Variants in APTX observed in about 807,000 individuals in gnomAD.
The protein encoded by APTX is forkhead-associated domain histidine triad-like protein.
A neutral mutation model predicts 42.3 loss-of-function variants in APTX; 33 were observed. That is an observed-to-expected ratio of 0.78 (90% confidence interval 0.59 to 1.04). The LOEUF (loss-of-function observed/expected upper bound fraction) is 1.04, where lower values mean the gene tolerates loss of function less well. Among genes scored for constraint, APTX ranks in the 50% least tolerant of loss-of-function variants. The probability of loss-of-function intolerance (pLI) is 0.00; values close to 1 mark genes in which losing one functional copy is unlikely to be tolerated. For missense variants in APTX, 421 were observed against 415.1 expected (o/e 1.01, Z -0.12); for synonymous variants, 130 against 146.7 (o/e 0.89, Z 0.82).
At chr9:33,001,439 GTGAGAGCAGCGCA>G in intron 1 of APTX, 115 bp downstream of exon 1, 1 of 1,558,240 alleles carries the variant, frequency 6.4e-7, no homozygotes, top group South Asian at 1.2e-5. Flanking sequence ...GAAAGCAGCC[GTGAGAGCAGCGCA>G]TGAAAGCAGC....
intron 4 of APTX, chr9:32,986,267 T>G: frequency 3.3e-6 from 2 of 613,326 alleles, no homozygotes; most frequent in Non-Finnish European, 6.0e-6. Context: ...CAAGCTGGAG[T>G]GCAGCGGCGT....
At chr9:33,019,764 G>GA (rs1415329608) in intron 1 of APTX, 7 of 595,278 alleles carry the variant, frequency 1.2e-5, no homozygotes, top group Non-Finnish European at 1.7e-5. Flanking sequence ...AGATGGTCGA[G>GA]AAAGTTGATA....
At chr9:32,978,897 T>C (rs1222757926) in intron 6 of APTX, among the ~76,000 whole-genome samples, 1 of 152,214 alleles carries the variant, frequency 6.6e-6, no homozygotes, top group African/African-American at 2.4e-5. Flanking sequence ...ATTGTTGATA[T>C]TCACTTTTTG....
intron 6 of APTX, among the ~76,000 whole-genome samples, chr9:32,982,481 T>A (rs1468312149): frequency 1.3e-5 from 2 of 152,248 alleles, no homozygotes; most frequent in Non-Finnish European, 2.9e-5. Flanking sequence ...TTCTTTTTCA[T>A]ACTTAATTTT....
chr9:33,020,548 A>C (rs1280774988), intron 1 of APTX, among the ~76,000 whole-genome samples: 1 of 152,240 alleles, frequency 6.6e-6, no homozygotes, highest in East Asian at 1.9e-4. Context: ...ATCAGCTCTA[A>C]AACAAGGGTT....
intron 5 of APTX, among the ~76,000 whole-genome samples, chr9:32,985,737 A>G (rs1724828824): frequency 6.6e-6 from 1 of 152,202 alleles, no homozygotes; most frequent in South Asian, 2.1e-4. Context: ...CCAGAAGTTT[A>G]AAAGGCACAA....
rs771304567 is a variant in APTX at position 32,986,132 on chromosome 9, G to A, written c.484-102C>T. On this transcript the variant is annotated intron_variant, in intron 4 of 7. Coordinates refer to ENST00000379817, the MANE Select transcript of APTX (RefSeq NM_001195248.2). ...TGGCAACAGTTAATACTGTGTGATA[G>A]CACAACTAAACTTGGAAATAAGCTT... is the stretch of plus-strand genomic sequence containing the variant. The A allele has an allele frequency of 5.6e-6, 6 of 1,069,404 alleles. No individual in the cohort carries two copies. In the East Asian group the frequency reaches 1.2e-4, roughly 21 times the overall value. The allele number at this position is 1,069,404 out of a possible 1,614,324, so 66.2% of individuals were successfully genotyped here.
At chr9:33,022,375 A>G (rs542129030) in intron 1 of APTX, among the ~76,000 whole-genome samples, 1 of 152,360 alleles carries the variant, frequency 6.6e-6, no homozygotes, top group South Asian at 2.1e-4. Context: ...TTTATCTCCA[A>G]GCTTAGCAAA....
intron 1 of APTX, among the ~76,000 whole-genome samples, chr9:33,024,434 G>A (rs973459461): frequency 1.3e-5 from 2 of 152,248 alleles, no homozygotes; most frequent in South Asian, 4.1e-4. Flanking sequence ...TTACGTTGCA[G>A]ATTGTACATC....
At chr9:32,983,146 G>C (rs760945613) in intron 6 of APTX, among the ~76,000 whole-genome samples, 1 of 151,834 alleles carries the variant, frequency 6.6e-6, no homozygotes, top group Non-Finnish European at 1.5e-5. Context: ...ATGTTGCCCA[G>C]ACTGGGATCC....
chr9:33,001,092 CCG>C (rs1324669587), intron 1 of APTX, among the ~76,000 whole-genome samples: 1 of 152,108 alleles, frequency 6.6e-6, no homozygotes, highest in Non-Finnish European at 1.5e-5. Context: ...GGTGATCCGC[CCG>C]CCTCGGCCTC....
intron 7 of APTX, among the ~76,000 whole-genome samples, chr9:32,974,249 A>G (rs1828777187): frequency 6.6e-6 from 1 of 152,214 alleles, no homozygotes; most frequent in Non-Finnish European, 1.5e-5. Flanking sequence ...ATAGCTTTCT[A>G]GGTCCCCCAA....
intron 1 of APTX, among the ~76,000 whole-genome samples, chr9:33,000,139 T>C (rs1235113129): frequency 1.3e-5 from 2 of 152,078 alleles, no homozygotes; most frequent in African/African-American, 4.8e-5. Context: ...TTATTTAACC[T>C]CTCCAAGCCT....
intron 1 of APTX, among the ~76,000 whole-genome samples, chr9:32,995,988 A>T (rs1317817645): frequency 2.0e-5 from 3 of 151,878 alleles, no homozygotes; most frequent in African/African-American, 7.3e-5. Flanking sequence ...GACCCCCCCT[A>T]CATCAGCAAA....
At chr9:33,001,632 G>A (rs1292071542), upstream of APTX, 3 of 1,613,338 alleles carry the variant, frequency 1.9e-6, no homozygotes, top group South Asian at 1.1e-5. Context: ...CGGCGCTGCG[G>A]GATGACGTCA....
At chr9:33,006,246 C>A (rs1837129609), upstream of APTX, among the ~76,000 whole-genome samples, 1 of 151,838 alleles carries the variant, frequency 6.6e-6, no homozygotes, top group South Asian at 2.1e-4. Flanking sequence ...CATAGCAAGA[C>A]CCTCTCTCTA....
upstream of APTX, among the ~76,000 whole-genome samples, chr9:33,005,791 T>C (rs1394296614): frequency 6.6e-6 from 1 of 152,200 alleles, no homozygotes; most frequent in Non-Finnish European, 1.5e-5. Context: ...TTTTTGCATG[T>C]GGATACCCAG....
intron 1 of APTX, among the ~76,000 whole-genome samples, chr9:32,992,541 G>A (rs1563977317): frequency 2.0e-5 from 3 of 152,154 alleles, no homozygotes; most frequent in Admixed American, 6.6e-5. Context: ...CATAGGTCGG[G>A]GTAAAAGCAG....
chr9:32,987,606 C>G lies in APTX; in HGVS notation c.421G>C (p.Gly141Arg), dbSNP rs1832501582. 1.2e-6 allele frequency: 2 copies of G among 1,614,214 alleles called. No homozygotes were observed. Among genetic ancestry groups the G allele is most frequent in the Non-Finnish European group, 1.7e-6 (2 of 1,180,048 alleles). The stretch of plus-strand genomic sequence containing the variant: ...ACAGAGCATTGGCCAGAGTTGCTCC[C>G]AGGTTCCAGCCCTGTCCCAGCCTCA... Reference protein sequence around the residue: ...EAEAGTGLEPGSNSGQCSVPL... With the variant: ...EAEAGTGLEPRSNSGQCSVPL... The change falls in exon 4 of 8, where the codon GGG becomes CGG. Residue 141 changes from glycine (G) to arginine (R), a missense_variant. Transcript: ENST00000379817.
Sources: gnomAD v4.1 joint callset for allele counts (sites outside exome capture counted in the v4.1 genomes callset) on GRCh38, gnomAD v4.1.1 for gene constraint, MANE v1.5 for transcripts, NCBI Gene and HGNC (gene_info 2026-07-23, HGNC 2026-07-21) for gene names.